The following MED23 variants were observed in gnomAD, a reference collection of about 807,000 sequenced individuals.
MED23 encodes the protein mediator complex subunit 23.
A neutral mutation model predicts 163.9 loss-of-function variants in MED23; 105 were observed. That is an observed-to-expected ratio of 0.64 (90% CI 0.55 to 0.75). MED23 has a LOEUF of 0.75. Ranked by LOEUF, MED23 falls within the 30% of genes least tolerant of loss-of-function variation. The probability of loss-of-function intolerance (pLI) is 0.00; values close to 1 mark genes in which losing one functional copy is unlikely to be tolerated. For synonymous variants in MED23, 561 were observed against 565.6 expected (o/e 0.99, Z 0.12); for missense variants, 1,054 against 1,649.0 (o/e 0.64, Z 6.25).
intron 12 of MED23, among the ~76,000 whole-genome samples, chr6:131,607,163 T>C (rs1412139387): frequency 6.6e-6 from 1 of 151,804 alleles, no homozygotes; most frequent in Non-Finnish European, 1.5e-5. Flanking sequence ...GGAGGAAAGA[T>C]GAAACAAGAG....
chr6:131,606,699 T>C, intron 12 of MED23, 75 bp from the exon 13 acceptor site: 6 of 1,253,844 alleles, frequency 4.8e-6, no homozygotes, highest in Non-Finnish European at 6.8e-6. Flanking sequence ...ATTTTAGTAA[T>C]CAATTTCTAA....
intron 18 of MED23, among the ~76,000 whole-genome samples, chr6:131,599,700 A>G (rs1775322076): frequency 6.6e-6 from 1 of 152,002 alleles, no homozygotes; most frequent in Non-Finnish European, 1.5e-5. Context: ...GTCCAGTACC[A>G]GAGTAGGACA....
Position 131,586,951 on chromosome 6 carries a change from T to G in MED23, c.*728A>C. The G allele has an allele frequency of 6.7e-7, 1 of 1,481,950 alleles. No homozygotes were observed. The highest frequency in any genetic ancestry group is 1.4e-5 in the South Asian group (1 of 72,414). 91.8% of individuals were successfully genotyped at this position (1,481,950 alleles called of 1,614,324 possible). On this transcript the variant is annotated 3_prime_UTR_variant, in exon 29 of 29. Coordinates refer to ENST00000368068, the MANE Select transcript of MED23 (RefSeq NM_004830.4). ...GAGAGTGTCAACCTGCAAAAGCAATTAACTTATTTTTAAAAAAAGAAATTG... is the reference window on the plus strand; with the variant it reads ...GAGAGTGTCAACCTGCAAAAGCAATGAACTTATTTTTAAAAAAAGAAATTG...
At chr6:131,593,799 T>C (rs1270738728) in intron 23 of MED23, among the ~76,000 whole-genome samples, 4 of 152,122 alleles carry the variant, frequency 2.6e-5, no homozygotes, top group East Asian at 3.8e-4. Context: ...CTACAAAATA[T>C]AGTATGTAAG....
chr6:131,583,081 C>T (rs1429174075), downstream of MED23: 8 of 1,613,002 alleles, frequency 5.0e-6, no homozygotes, highest in Non-Finnish European at 4.2e-6. Flanking sequence ...AAACTCTAGG[C>T]ATTAAATACT....
intron 20 of MED23, 52 bp from the exon 21 acceptor site, chr6:131,596,740 C>T (rs1479959646): frequency 6.6e-7 from 1 of 1,516,262 alleles, no homozygotes; most frequent in Non-Finnish European, 9.1e-7. Context: ...TGTGTAAAAT[C>T]ATGAGGGCCA....
Position 131,586,773 on chromosome 6 carries a change from C to G in MED23, c.*906G>C, listed in dbSNP as rs1268120437. The G allele has an allele frequency of 4.1e-6, 6 of 1,478,780 alleles. No homozygotes were observed. In the East Asian group the frequency reaches 1.7e-4, roughly 41 times the overall value. 91.6% of individuals were successfully genotyped at this position (1,478,780 alleles called of 1,614,324 possible). ...CGGTTTATTCATTCAGCAGACTTTACTCATTAGTTTTCAAGTCTTTCGCAA... is the reference window on the plus strand; with the variant it reads ...CGGTTTATTCATTCAGCAGACTTTAGTCATTAGTTTTCAAGTCTTTCGCAA... On this transcript the variant is annotated 3_prime_UTR_variant, in exon 29 of 29. Coordinates refer to ENST00000368068, the MANE Select transcript of MED23 (RefSeq NM_004830.4).
At chr6:131,612,791 C>G (rs866289268) in intron 10 of MED23, among the ~76,000 whole-genome samples, 2 of 152,004 alleles carry the variant, frequency 1.3e-5, no homozygotes, top group African/African-American at 4.8e-5. Flanking sequence ...AATATTAACC[C>G]TCGACCTATG....
intron 22 of MED23, among the ~76,000 whole-genome samples, chr6:131,594,619 C>A (rs550401215): frequency 6.6e-6 from 1 of 152,184 alleles, no homozygotes; most frequent in African/African-American, 2.4e-5. Flanking sequence ...CCTTGACATA[C>A]AACAAGGGAT....
chr6:131,619,899 A>G lies in MED23; in HGVS notation c.598-3T>C, dbSNP rs1054294146. ...TCTGATACTAGGTTTCCAAGTAACT[A>G]AAGAGAGAAAGAAAGAGGGAAGTCA... On this transcript the variant is annotated splice_region_variant and splice_polypyrimidine_tract_variant and intron_variant, in intron 7 of 28. Transcript: ENST00000368068. 1.7e-5 allele frequency: 27 copies of G among 1,602,498 alleles called. No individual in the cohort carries two copies. The highest frequency in any genetic ancestry group is 2.1e-5 in the Non-Finnish European group (25 of 1,170,334).
At chr6:131,610,317 G>C (rs1776188781) in intron 10 of MED23, 71 bp from the exon 11 acceptor site, 1 of 1,423,662 alleles carries the variant, frequency 7.0e-7, no homozygotes, top group Admixed American at 1.9e-5. Flanking sequence ...CAGTTAATGG[G>C]CATTAATTGT....
At chr6:131,588,647 T>C (rs1774350686) in intron 28 of MED23, among the ~76,000 whole-genome samples, 1 of 151,988 alleles carries the variant, frequency 6.6e-6, no homozygotes, top group Non-Finnish European at 1.5e-5. Flanking sequence ...CATAAAGGAG[T>C]CAACCTCCTT....
At chr6:131,606,409 G>A (rs1372217037) in intron 13 of MED23, 70 bp downstream of exon 13, 2 of 1,527,566 alleles carry the variant, frequency 1.3e-6, no homozygotes, top group Non-Finnish European at 1.8e-6. Context: ...CAAACACCGA[G>A]ACCAATATTA....
intron 30 of MED23, chr6:131,576,847 A>G (rs1028546221): frequency 2.6e-5 from 24 of 931,328 alleles, no homozygotes; most frequent in South Asian, 6.9e-5. Context: ...GAATTGCGGT[A>G]CTGGTTACAA....
chr6:131,599,617 CCT>C (rs1326278280), intron 18 of MED23, among the ~76,000 whole-genome samples: 2 of 151,606 alleles, frequency 1.3e-5, no homozygotes, highest in Admixed American at 1.3e-4. Flanking sequence ...TTATTTTTTT[CCT>C]CTTTCTACTC....
intron 23 of MED23, 29 bp from the exon 24 acceptor site, chr6:131,593,200 G>A: frequency 6.2e-7 from 1 of 1,613,548 alleles, no homozygotes; most frequent in Non-Finnish European, 8.5e-7. Context: ...ATAACAATTG[G>A]ACTATCTCAT....
In MED23 at chr6:131,598,732, C is replaced by A; in HGVS notation, c.2250G>T (p.Gln750His). Reference protein sequence around the residue: ...QAFFKQNNVPQESRFNLKKNV... With the variant: ...QAFFKQNNVPHESRFNLKKNV... ...TTTTTTTCAGATTAAAACGGCTTTC[C>A]TGAGGCACATTATTTTGTTTGAAGA... The change falls in exon 19 of 29, where the codon CAG becomes CAT. Residue 750 changes from glutamine to histidine, a missense_variant. Physicochemically the swap from Gln to His is conservative, Grantham distance 24 (BLOSUM62 0). Transcript: ENST00000368068. This position sits in a 1 kb window ranked among gnomAD's most constrained non-coding sequence, Gnocchi z 4.7. 6.2e-7 allele frequency: 1 copy of A among 1,614,026 alleles called. No individual in the cohort carries two copies. Among genetic ancestry groups the A allele is most frequent in the Non-Finnish European group, 8.5e-7 (1 of 1,180,006 alleles).
chr6:131,624,048 G>A (rs570456178), intron 4 of MED23, among the ~76,000 whole-genome samples: 5 of 152,194 alleles, frequency 3.3e-5, no homozygotes, highest in Non-Finnish European at 7.3e-5. Flanking sequence ...TTACTAGAAA[G>A]AAGTCTATCT....
chr6:131,587,075 A>T lies in MED23; in HGVS notation c.*604T>A. On this transcript the variant is annotated 3_prime_UTR_variant, in exon 29 of 29. Transcript: ENST00000368068. The stretch of plus-strand genomic sequence containing the variant: ...AATTTTATACAGTAAGTTCAAGTCC[A>T]TAGCAAAGGTAATAAAACTGCCAGT... 7.5e-7 allele frequency: 1 copy of T among 1,325,214 alleles called. No individual in the cohort carries two copies. Among genetic ancestry groups the T allele is most frequent in the Non-Finnish European group, 9.7e-7 (1 of 1,031,880 alleles). 82.1% of individuals were successfully genotyped at this position (1,325,214 alleles called of 1,614,324 possible).
Sources: gnomAD v4.1 joint callset for allele counts (sites outside exome capture counted in the v4.1 genomes callset) on GRCh38, gnomAD v4.1.1 for gene constraint, Gnocchi (gnomAD v3.1) non-coding constraint, MANE v1.5 for transcripts, NCBI Gene and HGNC (gene_info 2026-07-23, HGNC 2026-07-21) for gene names.